Variants in CTNNA3 observed in about 807,000 individuals in gnomAD.
The protein encoded by CTNNA3 is catenin alpha-3.
In CTNNA3, 76 loss-of-function variants were observed where a neutral mutation model predicts 95.7. The ratio of observed to expected loss-of-function variants is 0.79; its 90% CI spans 0.66 to 0.96. CTNNA3 has a LOEUF of 0.96. CTNNA3 is among the 40% of genes least tolerant of loss of function. The probability of loss-of-function intolerance (pLI) is 0.00; values close to 1 mark genes in which losing one functional copy is unlikely to be tolerated. For synonymous variants in CTNNA3, 431 were observed against 374.4 expected, an observed-to-expected ratio of 1.15 and a Z score of -1.74; for missense variants, 1,191 against 1,089.8, an observed-to-expected ratio of 1.09 and a Z score of -1.31.
chr10:66,455,452 G>A (rs2093489630), intron 11 of CTNNA3, among the ~76,000 whole-genome samples: 2 of 152,076 alleles, frequency 1.3e-5, no homozygotes, highest in Admixed American at 1.3e-4. Flanking sequence ...GTCTCAACAG[G>A]ATGAAGTGAA....
intron 15 of CTNNA3, among the ~76,000 whole-genome samples, chr10:66,021,097 G>A (rs1032219439): frequency 3.3e-5 from 5 of 152,130 alleles, no homozygotes; most frequent in East Asian, 3.9e-4. Context: ...TAGAGTAATC[G>A]TCACTTTTGT....
chr10:67,710,389 G>C (rs1175707575), intron 1 of CTNNA3, among the ~76,000 whole-genome samples: 1 of 152,182 alleles, frequency 6.6e-6, no homozygotes, highest in African/African-American at 2.4e-5. Context: ...GATTAATCCT[G>C]AAGAGAATGG....
At chr10:67,401,948 C>A (rs984356274) in intron 5 of CTNNA3, among the ~76,000 whole-genome samples, 1 of 152,154 alleles carries the variant, frequency 6.6e-6, no homozygotes, top group Non-Finnish European at 1.5e-5. Context: ...AAAGTACACT[C>A]AATTTACACC....
chr10:66,808,061 A>G (rs1040082314), intron 7 of CTNNA3, among the ~76,000 whole-genome samples: 1 of 152,082 alleles, frequency 6.6e-6, no homozygotes, highest in African/African-American at 2.4e-5. Flanking sequence ...ATTAAATATA[A>G]TATGTTTATG....
At chr10:67,537,763 C>T (rs1485668624) in intron 4 of CTNNA3, among the ~76,000 whole-genome samples, 1 of 152,060 alleles carries the variant, frequency 6.6e-6, no homozygotes, top group African/African-American at 2.4e-5. Context: ...CTTTTGTACC[C>T]ATTTCTTGTT....
intron 12 of CTNNA3, among the ~76,000 whole-genome samples, chr10:66,330,244 G>T (rs990167484): frequency 1.3e-4 from 17 of 131,566 alleles, no homozygotes; most frequent in African/African-American, 4.0e-4. Context: ...AACAGGCCCC[G>T]GTGTGTGATG....
intron 5 of CTNNA3, among the ~76,000 whole-genome samples, chr10:67,319,035 GA>G (rs1841190134): frequency 6.6e-6 from 1 of 152,192 alleles, no homozygotes; most frequent in Non-Finnish European, 1.5e-5. Flanking sequence ...AGTTTATGCT[GA>G]CCATCTGCTT....
intron 7 of CTNNA3, among the ~76,000 whole-genome samples, chr10:67,030,201 G>A (rs370591681): frequency 3.3e-5 from 5 of 152,286 alleles, no homozygotes; most frequent in Non-Finnish European, 7.4e-5. Context: ...TTCATTTATT[G>A]CATTTTTACA....
intron 5 of CTNNA3, among the ~76,000 whole-genome samples, chr10:67,354,565 CA>C (rs1353816747): frequency 1.3e-5 from 2 of 151,762 alleles, no homozygotes; most frequent in African/African-American, 2.4e-5. Context: ...GGTAGGAAGC[CA>C]AAAGGCCCCT....
At chr10:67,001,856 C>T (rs1851707407) in intron 7 of CTNNA3, among the ~76,000 whole-genome samples, 1 of 152,150 alleles carries the variant, frequency 6.6e-6, no homozygotes, top group Non-Finnish European at 1.5e-5. Flanking sequence ...TTCTGTTTAG[C>T]CTTGTCATCA....
At chr10:66,102,159 G>A (rs1183762969) in intron 14 of CTNNA3, among the ~76,000 whole-genome samples, 2 of 151,866 alleles carry the variant, frequency 1.3e-5, no homozygotes, top group African/African-American at 4.8e-5. Context: ...GAAAACAGAG[G>A]GAAAGGTTAG....
Position 67,346,429 on chromosome 10 carries a change from T to C in CTNNA3, c.580-126559A>G, listed in dbSNP as rs1038204705. 3.3e-5 allele frequency among the ~76,000 whole-genome samples: 5 copies of C among 152,218 alleles called. No homozygotes were observed. The South Asian group carries it at 1.0e-3, about 32-fold the overall frequency. On this transcript the variant is annotated intron_variant, in intron 5 of 17. Coordinates refer to ENST00000433211, the MANE Select transcript of CTNNA3 (RefSeq NM_013266.4). Reference sequence around the variant, plus strand: ...CAGGACAGGTCTGGTGTTGGTGAAATCCCTCAGCTTTTGTTTGTCTGGGAA... The same window carrying C: ...CAGGACAGGTCTGGTGTTGGTGAAACCCCTCAGCTTTTGTTTGTCTGGGAA...
rs573130861 is a variant in CTNNA3, at chr10:66,556,229, T to G, written c.1375-35456A>C. ...GAAAGATTATAAGTGTTGGCAAGGGTGAGCAGAAAAGTGAGCCCTTCCACA... is the reference window on the plus strand; with the variant it reads ...GAAAGATTATAAGTGTTGGCAAGGGGGAGCAGAAAAGTGAGCCCTTCCACA... On this transcript the variant is annotated intron_variant, in intron 10 of 17. Coordinates refer to ENST00000433211, the MANE Select transcript of CTNNA3 (RefSeq NM_013266.4). 7.2e-5 allele frequency among the ~76,000 whole-genome samples: 11 copies of G among 151,944 alleles called. No individual in the cohort carries two copies. The East Asian group carries it at 2.1e-3, about 29-fold the overall frequency.
intron 7 of CTNNA3, among the ~76,000 whole-genome samples, chr10:66,779,713 C>G (rs1488213246): frequency 6.6e-6 from 1 of 152,284 alleles, no homozygotes; most frequent in South Asian, 2.1e-4. Context: ...TTACATAGAG[C>G]CTTTGTTGAT....
intron 12 of CTNNA3, among the ~76,000 whole-genome samples, chr10:66,292,147 G>A (rs538591454): frequency 3.4e-4 from 52 of 151,042 alleles, no homozygotes; most frequent in African/African-American, 9.7e-4. Context: ...CATATGTTTC[G>A]TATCATCAGT....
At chr10:67,502,617 T>C (rs1190731105) in intron 5 of CTNNA3, among the ~76,000 whole-genome samples, 1 of 152,190 alleles carries the variant, frequency 6.6e-6, no homozygotes, top group Non-Finnish European at 1.5e-5. Flanking sequence ...GGGTATTTTA[T>C]CTATAAGCCC....
chr10:67,503,401 C>T (rs1194652734), intron 5 of CTNNA3, among the ~76,000 whole-genome samples: 1 of 152,216 alleles, frequency 6.6e-6, no homozygotes, highest in Non-Finnish European at 1.5e-5. Context: ...CAGACCACAG[C>T]TGTTCCTATT....
intron 5 of CTNNA3, among the ~76,000 whole-genome samples, chr10:67,457,704 C>T (rs1008011539): frequency 6.6e-6 from 1 of 152,060 alleles, no homozygotes; most frequent in Non-Finnish European, 1.5e-5. Context: ...AGGGAAGAAT[C>T]TATTTCTCTG....
chr10:66,586,276 T>C (rs939068547), intron 10 of CTNNA3, among the ~76,000 whole-genome samples: 5 of 152,022 alleles, frequency 3.3e-5, no homozygotes, highest in African/African-American at 9.7e-5. Context: ...TAAACACAGG[T>C]TGTGGCTAAA....
Sources: allele counts gnomAD v4.1 joint callset (sites outside exome capture counted in the v4.1 genomes callset), GRCh38; gene constraint gnomAD v4.1.1; transcripts MANE v1.5; gene names NCBI Gene and HGNC (gene_info 2026-07-23, HGNC 2026-07-21).